The following ZNF541 variants were observed in gnomAD, a reference collection of about 807,000 sequenced individuals.
The protein encoded by ZNF541 is zinc finger protein 541.
In ZNF541, 23 loss-of-function variants were observed where a neutral mutation model predicts 123.5. The observed-to-expected ratio is 0.19, with a 90% CI of 0.13 to 0.26. ZNF541 has a LOEUF of 0.26. ZNF541 is among the 10% of genes least tolerant of loss of function. The pLI is 1.00. For missense variants in ZNF541, 1,612 were observed against 1,789.9 expected (o/e 0.90, Z 1.79); for synonymous variants, 751 against 754.5 (o/e 1.00, Z 0.08).
At position 47,544,435 on chromosome 19, in the gene ZNF541, T is replaced by C. The variant is rs1411108528; in HGVS notation, c.2094A>G (p.Gln698=). The part of the protein sequence containing the change: ...DLEDIFPSTG[Q]RQTQLGGEEP... Reference sequence around the variant, plus strand: ...CCTCCCCACCTAACTGGGTCTGCCGTTGGCCTGTGGAGGGGAAGATGTCCT... The same window carrying C: ...CCTCCCCACCTAACTGGGTCTGCCGCTGGCCTGTGGAGGGGAAGATGTCCT... Residue 698 remains glutamine, a synonymous_variant, in exon 5 of 17, where the codon CAA becomes CAG. Transcript: ENST00000391901. 1.3e-6 allele frequency: 2 copies of C among 1,551,596 alleles called. No homozygotes were observed. The highest frequency in any genetic ancestry group is 2.0e-5 in the Admixed American group (1 of 50,994).
At chr19:47,525,637 G>A (rs538942039) in intron 14 of ZNF541, among the ~76,000 whole-genome samples, 29 of 152,274 alleles carry the variant, frequency 1.9e-4, no homozygotes, top group African/African-American at 7.0e-4. Flanking sequence ...GAGAAGGCCG[G>A]GCAAGGTGGC....
In ZNF541 at chr19:47,545,701, G is replaced by C; in HGVS notation, c.828C>G (p.Arg276=). Residue 276 remains arginine (R), a synonymous_variant, in exon 5 of 17, where the codon CGC becomes CGG. Coordinates refer to ENST00000391901, the MANE Select transcript of ZNF541 (RefSeq NM_001277075.3). This position sits in a 1 kb window ranked among gnomAD's most constrained non-coding sequence, Gnocchi z 7.5. ...GGTGGACGATGCTACTCACGATGCG[G>C]CGCAGGAGGTCCCGGTGGGGCAGGA... The part of the protein sequence containing the change: ...GSLLPHRDLL[R]RIVSSIVHQK... 5 of 1,547,820 alleles carry C rather than the reference G, an allele frequency of 3.2e-6. No individual in the cohort carries two copies. The highest frequency in any genetic ancestry group is 4.4e-6 in the Non-Finnish European group (5 of 1,146,788).
Position 47,545,062 on chromosome 19 carries a change from G to C in ZNF541, c.1467C>G (p.Pro489=). ...GGTCATCTTCCCCGCTGGCCGACCTGGGGTCGCTCGGGGCCTCCGCGGGGA... is the reference window on the plus strand; with the variant it reads ...GGTCATCTTCCCCGCTGGCCGACCTCGGGTCGCTCGGGGCCTCCGCGGGGA... ...LRVPAEAPSD[P]RSASGEDDPC... The change falls in exon 5 of 17, where the codon CCC becomes CCG. Residue 489 remains proline (P), a synonymous_variant. Coordinates refer to ENST00000391901, the MANE Select transcript of ZNF541 (RefSeq NM_001277075.3). This position sits in a 1 kb window ranked among gnomAD's most constrained non-coding sequence, Gnocchi z 7.5. 2 of 1,478,090 alleles carry C rather than the reference G, an allele frequency of 1.4e-6. No homozygotes were observed. The highest frequency in any genetic ancestry group is 1.8e-6 in the Non-Finnish European group (2 of 1,118,238). 91.6% of individuals were successfully genotyped at this position (1,478,090 alleles called of 1,614,324 possible).
At chr19:47,553,021 A>C (rs1970671137) in intron 3 of ZNF541, among the ~76,000 whole-genome samples, 1 of 151,494 alleles carries the variant, frequency 6.6e-6, no homozygotes, top group South Asian at 2.1e-4. Context: ...AGGCAGGAGA[A>C]TCGCCTGAAC....
At chr19:47,547,150 A>G (rs1440537483) in intron 4 of ZNF541, among the ~76,000 whole-genome samples, 1 of 152,184 alleles carries the variant, frequency 6.6e-6, no homozygotes, top group East Asian at 1.9e-4. Context: ...CCTGAGAACC[A>G]GAATTCTGCA....
chr19:47,567,787 C>A (rs1971325390), intron 2 of ZNF541, among the ~76,000 whole-genome samples: 1 of 152,190 alleles, frequency 6.6e-6, no homozygotes, highest in South Asian at 2.1e-4. Flanking sequence ...CTGTGCCCTG[C>A]CAGGCCTCTG....
chr19:47,572,488 G>A lies in ZNF541; in HGVS notation c.-245-446C>T, dbSNP rs150416651. 3.9e-5 allele frequency among the ~76,000 whole-genome samples: 6 copies of A among 152,236 alleles called. No individual in the cohort carries two copies. In the East Asian group the frequency reaches 1.2e-3, roughly 29 times the overall value. ...ATCCTGAACGGATGAAAAAAAACTGGGTTAATTTTTTTTCTTTTTTTGCGC... is the reference window on the plus strand; with the variant it reads ...ATCCTGAACGGATGAAAAAAAACTGAGTTAATTTTTTTTCTTTTTTTGCGC... On this transcript the variant is annotated intron_variant, in intron 1 of 16. Coordinates refer to ENST00000391901, the MANE Select transcript of ZNF541 (RefSeq NM_001277075.3).
chr19:47,545,087 A>T lies in ZNF541; in HGVS notation c.1442T>A (p.Val481Asp). The T allele has an allele frequency of 6.8e-7, 1 of 1,478,856 alleles. No homozygotes were observed. Among genetic ancestry groups the T allele is most frequent in the South Asian group, 1.3e-5 (1 of 76,048 alleles). 91.6% of individuals were successfully genotyped at this position (1,478,856 alleles called of 1,614,324 possible). ...ALPFPAALLR[V>D]PAEAPSDPRS... ...GGGGTCGCTCGGGGCCTCCGCGGGG[A>T]CCCTGAGGAGCGCGGCAGGGAAGGG... is the stretch of plus-strand genomic sequence containing the variant. The change falls in exon 5 of 17, where the codon GTC becomes GAC. Residue 481 changes from valine (V) to aspartate (D), a missense_variant. Val to Asp is a radical substitution (Grantham distance 152). Around this residue, in one of 5 missense-constraint regions of ZNF541, gnomAD observed 1,080 missense variants for 1,013.8 expected, o/e 1.07. Transcript: ENST00000391901. This position sits in a 1 kb window ranked among gnomAD's most constrained non-coding sequence, Gnocchi z 7.5.
At chr19:47,538,839 C>T (rs901555792) in intron 8 of ZNF541, among the ~76,000 whole-genome samples, 2 of 152,170 alleles carry the variant, frequency 1.3e-5, no homozygotes, top group Admixed American at 6.5e-5. Context: ...ACTGTGTCCC[C>T]GAGTCCAGCA....
At position 47,532,027 on chromosome 19, in the gene ZNF541, T is replaced by C. The variant is rs563618980; in HGVS notation, c.3301+101A>G. 6.3e-5 allele frequency: 92 copies of C among 1,459,996 alleles called. 1 individual carries two copies. The South Asian group carries it at 1.1e-3, about 18-fold the overall frequency. The allele number at this position is 1,459,996 out of a possible 1,614,324, so 90.4% of individuals were successfully genotyped here. A position where few individuals can be genotyped will look rare whatever the true frequency, so the allele number is the denominator to read the frequency against. ...CCTCCCACGCCCAGGGGACACTACT[T>C]GGATCTAGCGGTCAGGAGTTCCAGA... is the stretch of plus-strand genomic sequence containing the variant. On this transcript the variant is annotated intron_variant, in intron 11 of 16. Coordinates refer to ENST00000391901, the MANE Select transcript of ZNF541 (RefSeq NM_001277075.3).
At chr19:47,531,237 G>C (rs12972906) in intron 12 of ZNF541, among the ~76,000 whole-genome samples, 6 of 52,076 alleles carry the variant, frequency 1.2e-4, no homozygotes, top group South Asian at 5.2e-4. Flanking sequence ...GTGAGCGGGG[G>C]GGGGGGGGGG....
chr19:47,559,247 C>T (rs1356162043), intron 2 of ZNF541, among the ~76,000 whole-genome samples: 1 of 151,718 alleles, frequency 6.6e-6, no homozygotes, highest in Non-Finnish European at 1.5e-5. Context: ...TGGTAGGCAC[C>T]TGTAATCTCA....
chr19:47,568,503 C>T (rs139044205), intron 2 of ZNF541, among the ~76,000 whole-genome samples: 1 of 152,008 alleles, frequency 6.6e-6, no homozygotes, highest in Non-Finnish European at 1.5e-5. Flanking sequence ...GCCACCACAC[C>T]TGGCTAATTT....
At chr19:47,526,531 G>A (rs146489012) in intron 14 of ZNF541, among the ~76,000 whole-genome samples, 1 of 148,506 alleles carries the variant, frequency 6.7e-6, no homozygotes, top group Non-Finnish European at 1.5e-5. Context: ...AAAAACATAT[G>A]CAAGAGATAT....
At chr19:47,543,033 A>G (rs902495577) in intron 5 of ZNF541, among the ~76,000 whole-genome samples, 1 of 152,126 alleles carries the variant, frequency 6.6e-6, no homozygotes, top group Admixed American at 6.5e-5. Context: ...CCAACACTTT[A>G]GGAGGCCGAG....
intron 14 of ZNF541, among the ~76,000 whole-genome samples, chr19:47,524,407 T>C (rs1969187855): frequency 6.6e-6 from 1 of 152,052 alleles, no homozygotes. Flanking sequence ...TTAATATATG[T>C]TCAAAGAGTT....
At chr19:47,558,080 AAC>A (rs1435216897) in intron 2 of ZNF541, among the ~76,000 whole-genome samples, 5 of 152,238 alleles carry the variant, frequency 3.3e-5, no homozygotes, top group African/African-American at 1.2e-4. Context: ...TTAAAGAGGA[AAC>A]ACATCACTAA....
At chr19:47,568,287 T>C (rs141507588) in intron 2 of ZNF541, among the ~76,000 whole-genome samples, 4 of 152,308 alleles carry the variant, frequency 2.6e-5, no homozygotes, top group African/African-American at 9.6e-5. Context: ...AGCAGGTTCC[T>C]GGGAGTTGAG....
intron 2 of ZNF541, among the ~76,000 whole-genome samples, chr19:47,570,041 G>A (rs1176723548): frequency 1.3e-5 from 2 of 152,086 alleles, no homozygotes; most frequent in Non-Finnish European, 2.9e-5. Flanking sequence ...TTGGGAGGCT[G>A]AGGCGGGCAG....
Sources: gnomAD v4.1 joint callset for allele counts (sites outside exome capture counted in the v4.1 genomes callset) on GRCh38, gnomAD v4.1.1 for gene constraint, gnomAD v4.1.1 regional missense constraint, Gnocchi (gnomAD v3.1) non-coding constraint, MANE v1.5 for transcripts, NCBI Gene and HGNC (gene_info 2026-07-23, HGNC 2026-07-21) for gene names.